Variants in HIGD1A observed in about 807,000 individuals in gnomAD.
The protein encoded by HIGD1A is HIG1 hypoxia inducible domain family member 1A, also known as HIG1 domain family member 1A, mitochondrial.
A neutral mutation model predicts 11.3 loss-of-function variants in HIGD1A; 8 were observed. The ratio of observed to expected loss-of-function variants is 0.71; its 90% CI spans 0.42 to 1.28. The LOEUF (loss-of-function observed/expected upper bound fraction) is 1.28, where lower values mean the gene tolerates loss of function less well. HIGD1A is among the 50% of genes most tolerant of loss of function. The pLI is 0.01. For synonymous variants in HIGD1A, 32 were observed against 38.4 expected (o/e 0.83, Z 0.62); for missense variants, 107 against 118.8 (o/e 0.90, Z 0.46).
In HIGD1A at chr3:42,803,281, T is replaced by A. The variant is rs114966658; in HGVS notation, c.-23+1155A>T. Among the ~76,000 whole-genome samples, 375 of 152,342 alleles carry A rather than the reference T, an allele frequency of 2.5e-3. 3 individuals carry two copies. The highest frequency in any genetic ancestry group is 8.7e-3 in the African/African-American group (363 of 41,576). ...TTAAGGGAAGATGAGCCGTCCAGCATCAGGAGACGTAACAGGTTGAATGAA... is the reference window on the plus strand; with the variant it reads ...TTAAGGGAAGATGAGCCGTCCAGCAACAGGAGACGTAACAGGTTGAATGAA... On this transcript the variant is annotated intron_variant, in intron 1 of 3. Coordinates refer to ENST00000321331, the MANE Select transcript of HIGD1A (RefSeq NM_014056.4).
At chr3:42,794,665 C>T (rs763181422) in intron 1 of HIGD1A, among the ~76,000 whole-genome samples, 25 of 152,208 alleles carry the variant, frequency 1.6e-4, no homozygotes, top group Admixed American at 5.9e-4. Context: ...ACCAAACTGA[C>T]AACTCCTATT....
At chr3:42,794,331 T>C (rs1316164554) in intron 1 of HIGD1A, 56 bp from the exon 2 acceptor site, 1 of 1,430,240 alleles carries the variant, frequency 7.0e-7, no homozygotes, top group Non-Finnish European at 9.4e-7. Flanking sequence ...CATTATTAAA[T>C]ATCTGGATGT....
chr3:42,788,864 C>T (rs1700384242), intron 2 of HIGD1A, among the ~76,000 whole-genome samples: 1 of 149,758 alleles, frequency 6.7e-6, no homozygotes, highest in Non-Finnish European at 1.5e-5. Context: ...GGCGACAGAG[C>T]GGGACTGTCT....
chr3:42,803,028 T>C (rs558899302), intron 1 of HIGD1A, among the ~76,000 whole-genome samples: 115 of 152,362 alleles, frequency 7.5e-4, no homozygotes, highest in African/African-American at 2.7e-3. Flanking sequence ...ACAATTTCAA[T>C]TGTGATTTGA....
chr3:42,795,719 A>G (rs1700487855), intron 1 of HIGD1A, among the ~76,000 whole-genome samples: 1 of 138,470 alleles, frequency 7.2e-6, no homozygotes, highest in Non-Finnish European at 1.6e-5. Context: ...GAGTAAGGGG[A>G]TAGGAAAAAA....
chr3:42,801,887 G>C (rs968903500), intron 1 of HIGD1A, among the ~76,000 whole-genome samples: 2 of 152,052 alleles, frequency 1.3e-5, no homozygotes, highest in Admixed American at 6.5e-5. Context: ...GTTGGTAGCC[G>C]GGCATGGTGG....
intron 2 of HIGD1A, among the ~76,000 whole-genome samples, chr3:42,788,556 A>G (rs1161314125): frequency 1.3e-5 from 2 of 152,176 alleles, no homozygotes; most frequent in African/African-American, 4.8e-5. Context: ...ATTTTCCAAG[A>G]AAACAAATCC....
At chr3:42,800,427 A>G (rs1700542013) in intron 1 of HIGD1A, among the ~76,000 whole-genome samples, 1 of 151,920 alleles carries the variant, frequency 6.6e-6, no homozygotes, top group East Asian at 1.9e-4. Flanking sequence ...TCCCTTCCCA[A>G]CCCCACATTC....
chr3:42,795,631 T>C (rs1700486652), intron 1 of HIGD1A, among the ~76,000 whole-genome samples: 1 of 152,126 alleles, frequency 6.6e-6, no homozygotes. Context: ...TCCCCTAGGC[T>C]TCCTTTTAAA....
intron 2 of HIGD1A, among the ~76,000 whole-genome samples, chr3:42,789,809 C>A (rs1700398198): frequency 6.6e-6 from 1 of 152,076 alleles, no homozygotes; most frequent in African/African-American, 2.4e-5. Context: ...ACAGCTTCGA[C>A]CTCCCAGGCT....
intron 1 of HIGD1A, among the ~76,000 whole-genome samples, chr3:42,800,509 TGA>T (rs999077116): frequency 2.0e-5 from 3 of 152,144 alleles, no homozygotes; most frequent in Admixed American, 6.5e-5. Flanking sequence ...CCTCTACTTG[TGA>T]GAGTTTCCCT....
chr3:42,788,265 T>A (rs1412020113), intron 2 of HIGD1A, among the ~76,000 whole-genome samples: 2 of 152,226 alleles, frequency 1.3e-5, no homozygotes, highest in Non-Finnish European at 2.9e-5. Context: ...AAATAAGAGA[T>A]GATTGCTCTT....
At chr3:42,793,646 A>G in intron 2 of HIGD1A, among the ~76,000 whole-genome samples, 1 of 152,234 alleles carries the variant, frequency 6.6e-6, no homozygotes, top group East Asian at 1.9e-4. Flanking sequence ...GGGGTCCCCC[A>G]ATACAACATT....
At chr3:42,795,191 G>T (rs1187832473) in intron 1 of HIGD1A, among the ~76,000 whole-genome samples, 1 of 146,756 alleles carries the variant, frequency 6.8e-6, no homozygotes, top group Non-Finnish European at 1.5e-5. Context: ...GATTACAGGT[G>T]TGAGCCACTG....
At chr3:42,787,569 C>T (rs1456966639) in intron 2 of HIGD1A, among the ~76,000 whole-genome samples, 42 of 129,910 alleles carry the variant, frequency 3.2e-4, no homozygotes, top group East Asian at 2.7e-3. Context: ...CCAGCCTGGG[C>T]GACAGAGCGA....
At chr3:42,804,288 G>C in intron 1 of HIGD1A, 148 bp downstream of exon 1, 1 of 1,252,476 alleles carries the variant, frequency 8.0e-7, no homozygotes, top group Non-Finnish European at 1.1e-6. Flanking sequence ...CCTGAGCCCC[G>C]GCAACTCCAC....
chr3:42,799,469 T>C (rs944802267), intron 1 of HIGD1A, among the ~76,000 whole-genome samples: 1 of 152,218 alleles, frequency 6.6e-6, no homozygotes, highest in Non-Finnish European at 1.5e-5. Flanking sequence ...TATTTTTCTA[T>C]TTTTGTTTTA....
At chr3:42,804,233 G>A in intron 1 of HIGD1A, 1 of 1,606,128 alleles carries the variant, frequency 6.2e-7, no homozygotes, top group Non-Finnish European at 8.5e-7. Context: ...AGGACCCTAG[G>A]CCTCGGCTCC....
intron 3 of HIGD1A, 146 bp downstream of exon 3, chr3:42,785,882 C>T: frequency 1.3e-6 from 1 of 744,622 alleles, no homozygotes; most frequent in Non-Finnish European, 2.3e-6. Context: ...CTTGAATTAT[C>T]TTCATTAATT....
Sources: allele counts gnomAD v4.1 joint callset (sites outside exome capture counted in the v4.1 genomes callset), GRCh38; gene constraint gnomAD v4.1.1; transcripts MANE v1.5; gene names NCBI Gene and HGNC (gene_info 2026-07-23, HGNC 2026-07-21).